The following LRMDA variants were observed in gnomAD, a reference collection of about 807,000 sequenced individuals.
LRMDA encodes leucine-rich melanocyte differentiation-associated protein.
LRMDA carries 18 observed loss-of-function variants against 29.8 expected under a neutral mutation model. That is an observed-to-expected ratio of 0.60 (90% CI 0.42 to 0.90). LRMDA has a LOEUF of 0.90. Among genes scored for constraint, LRMDA ranks in the 40% least tolerant of loss-of-function variants. The pLI is 0.00. For missense variants in LRMDA, 273 were observed against 273.9 expected (o/e 1.00, Z 0.02); for synonymous variants, 125 against 109.4 (o/e 1.14, Z -0.89).
intron 2 of LRMDA, among the ~76,000 whole-genome samples, chr10:75,962,473 G>A (rs973545261): frequency 6.6e-6 from 1 of 152,144 alleles, no homozygotes; most frequent in African/African-American, 2.4e-5. Context: ...GGTGGTTCTG[G>A]TGCTGACTGA....
chr10:75,586,154 T>C (rs924677171), intron 2 of LRMDA, among the ~76,000 whole-genome samples: 1 of 152,116 alleles, frequency 6.6e-6, no homozygotes, highest in African/African-American at 2.4e-5. Flanking sequence ...AATGTATCCC[T>C]TCAAGATCCT....
chr10:75,895,288 T>A (rs765239207), intron 2 of LRMDA, among the ~76,000 whole-genome samples: 3 of 151,000 alleles, frequency 2.0e-5, no homozygotes, highest in Non-Finnish European at 4.4e-5. Flanking sequence ...TAGAAACAGA[T>A]TAGCTAAAAC....
intron 6 of LRMDA, among the ~76,000 whole-genome samples, chr10:76,337,663 G>A (rs1280188126): frequency 6.6e-6 from 1 of 152,110 alleles, no homozygotes; most frequent in Non-Finnish European, 1.5e-5. Context: ...ATTGTTAAAT[G>A]TTAAACCCAG....
intron 2 of LRMDA, among the ~76,000 whole-genome samples, chr10:75,890,705 G>C (rs910544004): frequency 7.2e-5 from 11 of 152,164 alleles, no homozygotes; most frequent in African/African-American, 2.7e-4. Flanking sequence ...TAGAAGCTTG[G>C]ATGCCAGCTG....
chr10:75,742,446 T>C (rs1231209580), intron 2 of LRMDA, among the ~76,000 whole-genome samples: 6 of 152,182 alleles, frequency 3.9e-5, no homozygotes, highest in African/African-American at 1.4e-4. Context: ...GGAAGTCAGA[T>C]TGAGCTGCAG....
intron 2 of LRMDA, among the ~76,000 whole-genome samples, chr10:75,872,464 T>G (rs1188698304): frequency 1.3e-5 from 2 of 152,022 alleles, no homozygotes; most frequent in Non-Finnish European, 2.9e-5. Context: ...CCACCATGCC[T>G]GGTTAATTTT....
intron 2 of LRMDA, among the ~76,000 whole-genome samples, chr10:75,551,540 G>A (rs371492544): frequency 2.0e-4 from 31 of 151,446 alleles, no homozygotes; most frequent in Admixed American, 5.3e-4. Context: ...GTGTCCATGT[G>A]TTCTAATTGT....
intron 2 of LRMDA, among the ~76,000 whole-genome samples, chr10:75,940,421 C>A (rs1846369919): frequency 6.6e-6 from 1 of 152,092 alleles, no homozygotes; most frequent in African/African-American, 2.4e-5. Context: ...AGCTGAAGTG[C>A]CCTGGACCCC....
intron 5 of LRMDA, among the ~76,000 whole-genome samples, chr10:76,129,674 C>G (rs564744549): frequency 6.6e-6 from 1 of 152,260 alleles, no homozygotes; most frequent in South Asian, 2.1e-4. Flanking sequence ...GAGTGGGCCT[C>G]TTCTCAGTGT....
intron 2 of LRMDA, among the ~76,000 whole-genome samples, chr10:75,939,328 A>G (rs1463042059): frequency 6.6e-6 from 1 of 152,164 alleles, no homozygotes; most frequent in Non-Finnish European, 1.5e-5. Context: ...TTGGGGACAC[A>G]TACCCCACAA....
intron 6 of LRMDA, among the ~76,000 whole-genome samples, chr10:76,551,589 G>A (rs532441534): frequency 2.6e-4 from 40 of 152,294 alleles, no homozygotes; most frequent in Non-Finnish European, 4.9e-4. Flanking sequence ...ACTTCAGATA[G>A]TTTCAAGTAA....
chr10:75,920,317 T>C (rs911830369), intron 2 of LRMDA, among the ~76,000 whole-genome samples: 4 of 152,150 alleles, frequency 2.6e-5, no homozygotes, highest in African/African-American at 9.7e-5. Context: ...ACTTACAGTA[T>C]AGTAATGTGT....
chr10:75,916,861 G>A (rs1193256580), intron 2 of LRMDA, among the ~76,000 whole-genome samples: 1 of 152,190 alleles, frequency 6.6e-6, no homozygotes, highest in African/African-American at 2.4e-5. Context: ...GCTGTGCCGA[G>A]AATTCCATCA....
At chr10:76,148,173 C>G (rs946140635) in intron 5 of LRMDA, among the ~76,000 whole-genome samples, 21 of 152,330 alleles carry the variant, frequency 1.4e-4, no homozygotes, top group African/African-American at 4.8e-4. Context: ...TCTCAGATCT[C>G]AAGCTGCGTG....
At chr10:75,976,090 G>A (rs1589273808) in intron 2 of LRMDA, among the ~76,000 whole-genome samples, 1 of 152,326 alleles carries the variant, frequency 6.6e-6, no homozygotes, top group East Asian at 1.9e-4. Context: ...GTTACCTGTT[G>A]CACTTGGTGT....
intron 2 of LRMDA, among the ~76,000 whole-genome samples, chr10:75,734,403 T>A (rs1190074511): frequency 3.9e-5 from 6 of 152,064 alleles, no homozygotes; most frequent in African/African-American, 1.2e-4. Flanking sequence ...GAGTGAAAAG[T>A]CACAGGGTGA....
chr10:76,324,342 G>C (rs1322568), intron 5 of LRMDA, 59 bp from the exon 6 acceptor site: 116,124 of 1,395,508 alleles, frequency 0.083, 8,720 homozygotes, highest in African/African-American at 0.35. Flanking sequence ...TGGTAAATGA[G>C]GGTATTTGGT....
chr10:76,162,074 A>C (rs1373004320), intron 5 of LRMDA, among the ~76,000 whole-genome samples: 1 of 152,214 alleles, frequency 6.6e-6, no homozygotes, highest in Non-Finnish European at 1.5e-5. Context: ...TCTTGAGTTC[A>C]AGCTAATAAC....
intron 5 of LRMDA, among the ~76,000 whole-genome samples, chr10:76,100,763 T>G (rs1237236728): frequency 6.6e-6 from 1 of 152,210 alleles, no homozygotes; most frequent in East Asian, 1.9e-4. Flanking sequence ...ACAAGTAATT[T>G]TGAAGAGCTC....
Sources: allele counts gnomAD v4.1 joint callset (sites outside exome capture counted in the v4.1 genomes callset), GRCh38; gene constraint gnomAD v4.1.1; transcripts MANE v1.5; gene names NCBI Gene and HGNC (gene_info 2026-07-23, HGNC 2026-07-21).